The following ARRDC5 variants were observed in gnomAD, a reference collection of about 807,000 sequenced individuals.
The protein encoded by ARRDC5 is arrestin domain containing 5, also known as arrestin domain-containing protein 5.
ARRDC5 carries 12 observed loss-of-function variants against 13.3 expected under a neutral mutation model. The observed-to-expected ratio is 0.90, with a 90% CI of 0.58 to 1.46. ARRDC5 has a LOEUF of 1.46. Ranked by LOEUF, ARRDC5 falls within the 40% of genes most tolerant of loss-of-function variation. ARRDC5 has a pLI of 0.00. For synonymous variants in ARRDC5, 181 were observed against 173.4 expected (o/e 1.04, Z -0.34); for missense variants, 406 against 418.7 (o/e 0.97, Z 0.26).
chr19:4,892,398 T>TG (rs1484763991), intron 2 of ARRDC5, among the ~76,000 whole-genome samples: 1 of 151,586 alleles, frequency 6.6e-6, no homozygotes, highest in Non-Finnish European at 1.5e-5. Context: ...ATTTTTTTTT[T>TG]TTTTAATGCA....
At chr19:4,911,084 C>CGCGCCTCTGCAGCCACCA in the ARRDC5 span, 1 of 1,459,036 alleles carries the variant, frequency 6.9e-7, no homozygotes, top group South Asian at 1.4e-5. Context: ...GTCCAGGCCT[C>CGCGCCTCTGCAGCCACCA]GCGCCTCTGC....
intron 2 of ARRDC5, among the ~76,000 whole-genome samples, chr19:4,896,357 TTTTTAC>T (rs1388391758): frequency 0.013 from 1,234 of 95,964 alleles, 16 homozygotes; most frequent in African/African-American, 0.02. Context: ...TATTTTTTTT[TTTTTAC>T]ACACACACAC....
At chr19:4,902,484 A>C in intron 1 of ARRDC5, 89 bp downstream of exon 1, 491 of 1,275,148 alleles carry the variant, frequency 3.9e-4, no homozygotes, top group Non-Finnish European at 4.8e-4. Context: ...TGATAGCCCT[A>C]GAGTTTTGTT....
chr19:4,902,601 C>T lies in ARRDC5; in HGVS notation c.225G>A (p.Val75=), dbSNP rs369939622. The change falls in exon 1 of 3, where the codon GTG becomes GTA. Residue 75 remains valine (V), a synonymous_variant. Transcript: ENST00000650722. ...CCACTGGGAATGTCTTTGTCTTATG[C>T]ACGTAGTCTGCCTTGTTGTTGCAAA... ...NVICNNKADY[V]HKTKTFPVED... 1 of 1,613,864 alleles carries T rather than the reference C, an allele frequency of 6.2e-7. No homozygotes were observed. The highest frequency in any genetic ancestry group is 1.3e-5 in the African/African-American group (1 of 74,918).
upstream of ARRDC5, chr19:4,902,961 C>T (rs1378377189): frequency 7.5e-7 from 1 of 1,342,008 alleles, no homozygotes; most frequent in African/African-American, 1.4e-5. Context: ...CCCCAGTGGC[C>T]AGGAGGGGAG....
At chr19:4,897,232 C>T (rs2031767613) in intron 1 of ARRDC5, among the ~76,000 whole-genome samples, 1 of 152,204 alleles carries the variant, frequency 6.6e-6, no homozygotes, top group South Asian at 2.1e-4. Flanking sequence ...GCTGGGGTTA[C>T]AGGCGTGAGC....
In ARRDC5 at chr19:4,891,459, C is replaced by T. The variant is rs1319591489; in HGVS notation, c.574G>A (p.Val192Ile). 8.1e-6 allele frequency: 13 copies of T among 1,613,752 alleles called. No individual in the cohort carries two copies. Among genetic ancestry groups the T allele is most frequent in the Middle Eastern group, 1.6e-4 (1 of 6,062 alleles). ...RNTFTPGEKV[V>I]FTTEINNQTS... ...TGGTTGTTGATCTCTGTTGTGAAGA[C>T]GACCTTCTCTCCTGGCGTGAAGGTG... The change falls in exon 3 of 3, where the codon GTC (valine) becomes ATC (isoleucine). Residue 192 changes from valine to isoleucine, a missense_variant. Physicochemically the swap from Val to Ile is conservative, Grantham distance 29 (BLOSUM62 3). Transcript: ENST00000650722.
chr19:4,899,764 C>CTAAAAAA (rs1424989852), intron 1 of ARRDC5, among the ~76,000 whole-genome samples: 2 of 67,970 alleles, frequency 2.9e-5, no homozygotes, highest in Non-Finnish European at 5.6e-5. Flanking sequence ...CCCGTCTCTA[C>CTAAAAAA]AAAAAAAAAA....
the ARRDC5 span, chr19:4,911,125 C>G: frequency 7.7e-7 from 1 of 1,302,196 alleles, no homozygotes; most frequent in Non-Finnish European, 1.0e-6. Context: ...TCCCTCCCAC[C>G]TCCCCCCCCA....
the ARRDC5 span, chr19:4,911,179 T>A: frequency 1.2e-6 from 1 of 801,574 alleles, no homozygotes; most frequent in Non-Finnish European, 1.8e-6. Flanking sequence ...GAAGGAGAAG[T>A]CCACAGAAAC....
chr19:4,898,872 C>A (rs2031819342), intron 1 of ARRDC5, among the ~76,000 whole-genome samples: 1 of 151,164 alleles, frequency 6.6e-6, no homozygotes, highest in Non-Finnish European at 1.5e-5. Context: ...GGAGATCTGC[C>A]CACCCAGCCT....
At chr19:4,913,394 C>T in the ARRDC5 span, among the ~76,000 whole-genome samples, 10 of 151,792 alleles carry the variant, frequency 6.6e-5, no homozygotes, top group East Asian at 1.9e-4. Context: ...GCTGGGATTA[C>T]AGTCACCCAC....
In ARRDC5 at chr19:4,891,722, CG is replaced by C. The variant is rs563253193; in HGVS notation, c.460-150del. 1.4e-4 allele frequency: 99 copies of C among 686,746 alleles called. No individual in the cohort carries two copies. In the African/African-American group the frequency reaches 1.6e-3, roughly 11 times the overall value. The allele number at this position is 686,746 out of a possible 1,614,324, so 42.5% of individuals were successfully genotyped here. A position where few individuals can be genotyped will look rare whatever the true frequency, so the allele number is the denominator to read the frequency against. On this transcript the variant is annotated intron_variant, in intron 2 of 2. Transcript: ENST00000650722. ...CTATAATCCCAACACCTTGGGAGGC[CG>C]AGGCGGGAGGATCACCATGTCAGGA...
chr19:4,909,599 C>A, the ARRDC5 span: 1 of 642,980 alleles, frequency 1.6e-6, no homozygotes, highest in Non-Finnish European at 2.8e-6. Context: ...GGTTTCATCG[C>A]CATCCCCAGC....
intron 1 of ARRDC5, among the ~76,000 whole-genome samples, chr19:4,901,942 T>C (rs1042630705): frequency 1.3e-5 from 2 of 152,058 alleles, no homozygotes; most frequent in Non-Finnish European, 2.9e-5. Flanking sequence ...GCTGGCGTGC[T>C]GTGGTGCGAT....
At chr19:4,897,097 C>T (rs533188978) in intron 1 of ARRDC5, among the ~76,000 whole-genome samples, 1 of 152,262 alleles carries the variant, frequency 6.6e-6, no homozygotes, top group East Asian at 1.9e-4. Context: ...GCTGCGACTA[C>T]AGGCGTGCAC....
At chr19:4,909,690 G>A in the ARRDC5 span, 1 of 510,424 alleles carries the variant, frequency 2.0e-6, no homozygotes, top group Non-Finnish European at 3.4e-6. Flanking sequence ...TGCCAGCCCG[G>A]GCCGGGCGCA....
At chr19:4,893,337 C>T (rs569358103) in intron 2 of ARRDC5, among the ~76,000 whole-genome samples, 2 of 145,980 alleles carry the variant, frequency 1.4e-5, no homozygotes, top group East Asian at 4.1e-4. Flanking sequence ...GAAACCCCAT[C>T]TCTACTAAAA....
chr19:4,895,468 A>T (rs140918689), intron 2 of ARRDC5, among the ~76,000 whole-genome samples: 23 of 151,808 alleles, frequency 1.5e-4, no homozygotes, highest in African/African-American at 4.8e-4. Context: ...AAAAGGAAAA[A>T]AAATGCCAGC....
Sources: allele counts gnomAD v4.1 joint callset (sites outside exome capture counted in the v4.1 genomes callset), GRCh38; gene constraint gnomAD v4.1.1; transcripts MANE v1.5; gene names NCBI Gene and HGNC (gene_info 2026-07-23, HGNC 2026-07-21).